FSTL5: variants seen among roughly 807,000 people sequenced by gnomAD.
The protein encoded by FSTL5 is follistatin like 5, also known as follistatin-related protein 5.
In FSTL5, 62 loss-of-function variants were observed where a neutral mutation model predicts 89.1. That is an observed-to-expected ratio of 0.70 (90% CI 0.57 to 0.86). FSTL5 has a LOEUF of 0.86. Ranked by LOEUF, FSTL5 falls within the 40% of genes least tolerant of loss-of-function variation. The pLI is 0.00. For missense variants in FSTL5, 1,057 were observed against 1,001.6 expected (o/e 1.06, Z -0.75); for synonymous variants, 383 against 346.2 (o/e 1.11, Z -1.18).
chr4:162,094,915 AG>A (rs1366730073), intron 2 of FSTL5, among the ~76,000 whole-genome samples: 2 of 152,196 alleles, frequency 1.3e-5, no homozygotes, highest in African/African-American at 2.4e-5. Flanking sequence ...AAATAAATAA[AG>A]AAATTCAATT....
intron 4 of FSTL5, among the ~76,000 whole-genome samples, chr4:161,840,945 T>C (rs1731190873): frequency 6.6e-6 from 1 of 152,066 alleles, no homozygotes; most frequent in African/African-American, 2.4e-5. Context: ...GAATATGAAT[T>C]AGATAGAGAT....
intron 10 of FSTL5, among the ~76,000 whole-genome samples, chr4:161,521,342 A>G (rs970158571): frequency 1.3e-5 from 2 of 151,776 alleles, no homozygotes; most frequent in Non-Finnish European, 2.9e-5. Context: ...TTTTTCCTGT[A>G]ATTACTCACA....
chr4:162,121,540 C>T (rs1221275686), intron 1 of FSTL5, among the ~76,000 whole-genome samples: 1 of 152,028 alleles, frequency 6.6e-6, no homozygotes, highest in Non-Finnish European at 1.5e-5. Context: ...GGTATACACA[C>T]AGAATGGACC....
intron 13 of FSTL5, among the ~76,000 whole-genome samples, chr4:161,475,290 T>TGGAA: frequency 6.6e-6 from 1 of 152,182 alleles, no homozygotes; most frequent in Non-Finnish European, 1.5e-5. Flanking sequence ...ATTCTTATTT[T>TGGAA]TCTTCAAATT....
In FSTL5 at chr4:161,386,222, T is replaced by C. The variant is rs768493846; in HGVS notation, c.2069A>G (p.Asn690Ser). The C allele has an allele frequency of 2.5e-6, 4 of 1,613,928 alleles. No individual in the cohort carries two copies. Among genetic ancestry groups the C allele is most frequent in the African/African-American group, 2.7e-5 (2 of 74,914 alleles). ...ATATGGAGTGCCCGTCACATCACTA[T>C]TGAACCCAATGACTGAGTCAGTTAC... ...DGVTDSVIGFNSDVTGTPYVS... is the reference protein window; with the variant it reads ...DGVTDSVIGFSSDVTGTPYVS... Residue 690 changes from asparagine (N) to serine (S), a missense_variant, in exon 16 of 16, where the codon AAT (asparagine) becomes AGT (serine). By Grantham distance (46) the Asn-to-Ser change is conservative. Coordinates refer to ENST00000306100, the MANE Select transcript of FSTL5 (RefSeq NM_020116.5).
chr4:161,747,772 C>A (rs1053571678), intron 6 of FSTL5, among the ~76,000 whole-genome samples: 1 of 152,182 alleles, frequency 6.6e-6, no homozygotes, highest in Admixed American at 6.5e-5. Flanking sequence ...CAGGCCCTAA[C>A]AAAATCCTCA....
At chr4:161,414,073 G>A (rs955535498) in intron 15 of FSTL5, among the ~76,000 whole-genome samples, 2 of 151,864 alleles carry the variant, frequency 1.3e-5, no homozygotes, top group African/African-American at 4.8e-5. Flanking sequence ...AAAATAAAAC[G>A]TTGAAATAAA....
chr4:161,662,655 AG>A (rs767298463), intron 6 of FSTL5, among the ~76,000 whole-genome samples: 23 of 152,176 alleles, frequency 1.5e-4, no homozygotes, highest in Non-Finnish European at 2.9e-4. Flanking sequence ...TCCCAGAATG[AG>A]AAAACAGAAA....
At chr4:162,014,779 A>C (rs1485833939) in intron 3 of FSTL5, among the ~76,000 whole-genome samples, 1 of 152,090 alleles carries the variant, frequency 6.6e-6, no homozygotes, top group Non-Finnish European at 1.5e-5. Context: ...TGGTTAAAGG[A>C]AGCAAGGCAT....
At chr4:161,841,418 A>G (rs1731208641) in intron 4 of FSTL5, among the ~76,000 whole-genome samples, 2 of 152,216 alleles carry the variant, frequency 1.3e-5, no homozygotes, top group Admixed American at 6.5e-5. Context: ...TGATATTAAA[A>G]TAACTCTTCA....
At chr4:161,470,607 C>A (rs1183421709) in intron 13 of FSTL5, among the ~76,000 whole-genome samples, 9 of 147,952 alleles carry the variant, frequency 6.1e-5, no homozygotes, top group Admixed American at 5.6e-4. Context: ...TTAAGATGAG[C>A]TTCTCTATTT....
chr4:162,133,182 G>A (rs1732383113), intron 1 of FSTL5, among the ~76,000 whole-genome samples: 1 of 152,190 alleles, frequency 6.6e-6, no homozygotes, highest in Admixed American at 6.5e-5. Context: ...ATATTGTTCA[G>A]AAGGTTGTAG....
intron 4 of FSTL5, among the ~76,000 whole-genome samples, chr4:161,864,494 C>T (rs1732014751): frequency 6.6e-6 from 1 of 152,050 alleles, no homozygotes; most frequent in African/African-American, 2.4e-5. Flanking sequence ...AAATTAAAGG[C>T]AGTTTTAATT....
chr4:161,829,412 TA>T (rs1320167309), intron 4 of FSTL5, among the ~76,000 whole-genome samples: 2 of 150,910 alleles, frequency 1.3e-5, no homozygotes, highest in Non-Finnish European at 3.0e-5. Flanking sequence ...CAATAGCAAA[TA>T]AAAAAATAAA....
chr4:161,449,335 T>G (rs1733067913), intron 15 of FSTL5, among the ~76,000 whole-genome samples: 1 of 152,136 alleles, frequency 6.6e-6, no homozygotes, highest in Non-Finnish European at 1.5e-5. Context: ...CATTTTCCTC[T>G]CAAGAAATAA....
chr4:161,458,105 G>C (rs565653583), intron 14 of FSTL5, among the ~76,000 whole-genome samples: 1 of 152,130 alleles, frequency 6.6e-6, no homozygotes, highest in East Asian at 1.9e-4. Context: ...ATCACCATGC[G>C]ACAGACATGA....
intron 15 of FSTL5, among the ~76,000 whole-genome samples, chr4:161,438,720 T>G (rs187385430): frequency 6.6e-5 from 10 of 152,260 alleles, no homozygotes; most frequent in African/African-American, 2.4e-4. Flanking sequence ...AATTGATGAA[T>G]CAAATGTAAT....
intron 5 of FSTL5, among the ~76,000 whole-genome samples, chr4:161,773,796 C>A (rs753557114): frequency 7.9e-5 from 12 of 152,102 alleles, no homozygotes; most frequent in Non-Finnish European, 1.6e-4. Flanking sequence ...CCTTAAAGAA[C>A]TAAAAATAGA....
chr4:161,409,801 TA>T (rs1160608284), intron 15 of FSTL5, among the ~76,000 whole-genome samples: 3 of 152,156 alleles, frequency 2.0e-5, no homozygotes, highest in Admixed American at 6.5e-5. Flanking sequence ...ATAGTCACTA[TA>T]AAGCAACTAC....
Sources: gnomAD v4.1 joint callset for allele counts (sites outside exome capture counted in the v4.1 genomes callset) on GRCh38, gnomAD v4.1.1 for gene constraint, MANE v1.5 for transcripts, NCBI Gene and HGNC (gene_info 2026-07-23, HGNC 2026-07-21) for gene names.